BIRC3: variants seen among roughly 807,000 people sequenced by gnomAD.
BIRC3 encodes baculoviral IAP repeat containing 3, also known as baculoviral IAP repeat-containing protein 3.
BIRC3 carries 26 observed loss-of-function variants against 59.0 expected under a neutral mutation model. The ratio of observed to expected loss-of-function variants is 0.44; its 90% confidence interval spans 0.32 to 0.61. The LOEUF (loss-of-function observed/expected upper bound fraction) is 0.61, where lower values mean the gene tolerates loss of function less well. Among genes scored for constraint, BIRC3 ranks in the 20% least tolerant of loss-of-function variants. The pLI, the probability that BIRC3 is intolerant of heterozygous loss-of-function variation, is 0.04. For missense variants in BIRC3, 641 were observed against 711.5 expected (o/e 0.90, Z 1.13); for synonymous variants, 243 against 249.2 (o/e 0.98, Z 0.24).
At chr11:102,326,548 T>C (rs1206035037) in intron 3 of BIRC3, among the ~76,000 whole-genome samples, 1 of 152,228 alleles carries the variant, frequency 6.6e-6, no homozygotes, top group Non-Finnish European at 1.5e-5. Context: ...TGGCCTACAA[T>C]TACATTTTTT....
At chr11:102,328,566 A>T (rs1345713300) in intron 4 of BIRC3, among the ~76,000 whole-genome samples, 1 of 152,184 alleles carries the variant, frequency 6.6e-6, no homozygotes, top group Non-Finnish European at 1.5e-5. Flanking sequence ...ATCCCAAAGG[A>T]TGACCCAGGG....
chr11:102,326,981 T>A, intron 3 of BIRC3: 1 of 341,866 alleles, frequency 2.9e-6, no homozygotes, highest in Non-Finnish European at 5.8e-6. Context: ...TCAGTGTGTT[T>A]TAAGAATCTT....
rs5794162 is a variant in BIRC3 at position 102,322,777 on chromosome 11, TAAAAAA to T, written c.-1712_-1707del. On this transcript the variant is annotated 5_prime_UTR_variant, in exon 2 of 9. Coordinates refer to ENST00000263464, the MANE Select transcript of BIRC3 (RefSeq NM_001165.5). Reference sequence around the variant, plus strand: ...GGAAACCATGCTTGCAAACCACTGGTAAAAAAAAAAAAAAAAAAAAAAAAAAGCCAC... The same window carrying T: ...GGAAACCATGCTTGCAAACCACTGGTAAAAAAAAAAAAAAAAAAAAGCCAC... 1.2e-3 allele frequency: 79 copies of T among 66,978 alleles called. No homozygotes were observed. The highest frequency in any genetic ancestry group is 8.4e-3 in the East Asian group (31 of 3,684). The allele number at this position is 66,978 out of a possible 1,614,324, so 4.1% of individuals were successfully genotyped here.
At chr11:102,328,995 C>T (rs760576394) in intron 5 of BIRC3, 50 bp downstream of exon 5, 3 of 1,063,426 alleles carry the variant, frequency 2.8e-6, no homozygotes, top group South Asian at 3.3e-5. Flanking sequence ...TCATTTGGTA[C>T]TGTTAATATT....
Position 102,325,524 on chromosome 11 carries a change from T to C in BIRC3, c.912T>C (p.Ser304=). Residue 304 remains serine (S), a synonymous_variant, in exon 3 of 9, where the codon TCT becomes TCC. Coordinates refer to ENST00000263464, the MANE Select transcript of BIRC3 (RefSeq NM_001165.5). The part of the protein sequence containing the change: ...CCDGGLRCWE[S]GDDPWVQHAK... ...ATGGTGGACTCAGGTGTTGGGAATC[T>C]GGAGATGATCCATGGGTTCAACATG... is the stretch of plus-strand genomic sequence containing the variant. 8 of 1,613,150 alleles carry C rather than the reference T, an allele frequency of 5.0e-6. No individual in the cohort carries two copies. Among genetic ancestry groups the C allele is most frequent in the Non-Finnish European group, 6.8e-6 (8 of 1,179,400 alleles).
Position 102,322,123 on chromosome 11 carries a change from T to C in BIRC3, c.-2387T>C. The C allele has an allele frequency of 4.9e-6, 1 of 203,610 alleles. No homozygotes were observed. The highest frequency in any genetic ancestry group is 7.6e-5 in the East Asian group (1 of 13,180). The allele number at this position is 203,610 out of a possible 1,614,324, so 12.6% of individuals were successfully genotyped here. ...AGTGATTCTAGCTGGGGCATATTGTTAAAGCATTTTTTTCAGAGTTGGCCA... is the reference window on the plus strand; with the variant it reads ...AGTGATTCTAGCTGGGGCATATTGTCAAAGCATTTTTTTCAGAGTTGGCCA... On this transcript the variant is annotated 5_prime_UTR_variant, in exon 2 of 9. An upstream open reading frame in the 5' UTR loses its in-frame stop. Coordinates refer to ENST00000263464, the MANE Select transcript of BIRC3 (RefSeq NM_001165.5).
chr11:102,327,083 G>A (rs1401877690), intron 3 of BIRC3, among the ~76,000 whole-genome samples: 2 of 152,162 alleles, frequency 1.3e-5, no homozygotes, highest in Admixed American at 6.5e-5. Context: ...TTGTCCACTT[G>A]AGCCTTGGTA....
chr11:102,326,953 G>A, intron 3 of BIRC3: 2 of 349,160 alleles, frequency 5.7e-6, no homozygotes, highest in South Asian at 2.1e-5. Context: ...GGACTTTGAG[G>A]TGCTTGCCCG....
chr11:102,328,866 A>G, intron 4 of BIRC3, 31 bp from the exon 5 acceptor site: 1 of 753,042 alleles, frequency 1.3e-6, no homozygotes. Flanking sequence ...ATTTATATAT[A>G]TATATATATA....
At position 102,324,149 on chromosome 11, in the gene BIRC3, G is replaced by A. The variant is rs566629468; in HGVS notation, c.-361G>A. 1.7e-5 allele frequency: 4 copies of A among 235,504 alleles called. 1 individual carries two copies. The East Asian group carries it at 2.5e-4, about 15-fold the overall frequency. 14.6% of individuals were successfully genotyped at this position (235,504 alleles called of 1,614,324 possible). A position where few individuals can be genotyped will look rare whatever the true frequency, so the allele number is the denominator to read the frequency against. On this transcript the variant is annotated 5_prime_UTR_variant, in exon 2 of 9. Coordinates refer to ENST00000263464, the MANE Select transcript of BIRC3 (RefSeq NM_001165.5). ...TGAATGCCACTGAAACATTCTAGTA[G>A]CCTGGAGAAGTTGACCTACCTGTGG...
At chr11:102,334,798 G>A (rs541324388) in intron 6 of BIRC3, among the ~76,000 whole-genome samples, 1 of 152,214 alleles carries the variant, frequency 6.6e-6, no homozygotes, top group Admixed American at 6.5e-5. Flanking sequence ...ATGATATCTT[G>A]TAGGACGAGA....
At chr11:102,333,933 A>C (rs1951171111) in intron 6 of BIRC3, among the ~76,000 whole-genome samples, 1 of 152,140 alleles carries the variant, frequency 6.6e-6, no homozygotes, top group Non-Finnish European at 1.5e-5. Flanking sequence ...AGACCCCATC[A>C]CTACAAAAAA....
intron 6 of BIRC3, among the ~76,000 whole-genome samples, chr11:102,332,954 G>C (rs892017505): frequency 6.6e-6 from 1 of 152,084 alleles, no homozygotes; most frequent in South Asian, 2.1e-4. Context: ...CTCCACAACT[G>C]TTGAGAGACC....
At position 102,325,065 on chromosome 11, in the gene BIRC3, C is replaced by T. The variant is rs1469494339; in HGVS notation, c.556C>T (p.Pro186Ser). The change falls in exon 2 of 9, where the codon CCA becomes TCA. Residue 186 changes from proline (P) to serine (S), a missense_variant. Around this residue, in one of 4 missense-constraint regions of BIRC3, gnomAD observed 329 missense variants for 365.6 expected, o/e 0.90. Coordinates refer to ENST00000263464, the MANE Select transcript of BIRC3 (RefSeq NM_001165.5). ...GACATGGCCATTGACTTTTCTGTCG[C>T]CAACAGATCTGGCAAAAGCAGGCTT... ...FQTWPLTFLS[P>S]TDLAKAGFYY... The T allele has an allele frequency of 6.2e-7, 1 of 1,614,148 alleles. No homozygotes were observed. The highest frequency in any genetic ancestry group is 1.7e-5 in the Admixed American group (1 of 60,018).
intron 3 of BIRC3, among the ~76,000 whole-genome samples, chr11:102,325,930 C>T (rs1470427802): frequency 6.6e-6 from 1 of 151,856 alleles, no homozygotes; most frequent in East Asian, 1.9e-4. Flanking sequence ...TCCCTCCAGA[C>T]ATATAGAAAT....
chr11:102,328,884 T>A lies in BIRC3; in HGVS notation c.1033-13T>A, dbSNP rs1009984164. The A allele has an allele frequency of 9.5e-5, 107 of 1,120,526 alleles. No individual in the cohort carries two copies. The African/African-American group carries it at 1.3e-3, about 14-fold the overall frequency. 69.4% of individuals were successfully genotyped at this position (1,120,526 alleles called of 1,614,324 possible). A position where few individuals can be genotyped will look rare whatever the true frequency, so the allele number is the denominator to read the frequency against. ...TATATATATATATATATATATATTT[T>A]TTTTTTCTGCAGCTGCTATCCACAT... is the stretch of plus-strand genomic sequence containing the variant. On this transcript the variant is annotated splice_polypyrimidine_tract_variant and intron_variant, in intron 4 of 8. Coordinates refer to ENST00000263464, the MANE Select transcript of BIRC3 (RefSeq NM_001165.5).
In BIRC3 at chr11:102,328,880, A is replaced by ATTTTTT; in HGVS notation, c.1033-12_1033-7dup. ...AATTTATATATATATATATATATAT[A>ATTTTTT]TTTTTTTTTTCTGCAGCTGCTATCC... is the stretch of plus-strand genomic sequence containing the variant. On this transcript the variant is annotated splice_polypyrimidine_tract_variant and intron_variant, in intron 4 of 8. Coordinates refer to ENST00000263464, the MANE Select transcript of BIRC3 (RefSeq NM_001165.5). The ATTTTTT allele has an allele frequency of 7.0e-6, 3 of 426,304 alleles. No homozygotes were observed. The highest frequency in any genetic ancestry group is 8.6e-5 in the South Asian group (1 of 11,594). The allele number at this position is 426,304 out of a possible 1,614,324, so 26.4% of individuals were successfully genotyped here.
At position 102,336,793 on chromosome 11, in the gene BIRC3, A is replaced by G. The variant is rs760065153; in HGVS notation, c.1613A>G (p.Asp538Gly). The G allele has an allele frequency of 2.9e-5, 47 of 1,607,400 alleles. No individual in the cohort carries two copies. The highest frequency in any genetic ancestry group is 3.9e-5 in the Non-Finnish European group (46 of 1,177,434). ...QQDIKYIPTE[D>G]VSDLPVEEQL... is the part of the protein sequence containing the mutation. ...GACATAAAATATATTCCCACAGAAGATGTTTCAGGTAATAGTACTAATATT... is the reference window on the plus strand; with the variant it reads ...GACATAAAATATATTCCCACAGAAGGTGTTTCAGGTAATAGTACTAATATT... The change falls in exon 8 of 9, where the codon GAT becomes GGT. Residue 538 changes from aspartate to glycine, a missense_variant. Asp to Gly is a moderately conservative substitution (Grantham distance 94). Around this residue, in one of 4 missense-constraint regions of BIRC3, gnomAD observed 268 missense variants for 255.7 expected, o/e 1.05. Transcript: ENST00000263464.
chr11:102,325,515 T>C lies in BIRC3; in HGVS notation c.903T>C (p.Cys301=), dbSNP rs1258731739. Residue 301 remains cysteine, a synonymous_variant, in exon 3 of 9, where the codon TGT becomes TGC. Transcript: ENST00000263464. ...TTTGCTGTGATGGTGGACTCAGGTG[T>C]TGGGAATCTGGAGATGATCCATGGG... The part of the protein sequence containing the change: ...KCFCCDGGLR[C]WESGDDPWVQ... 5 of 1,613,166 alleles carry C rather than the reference T, an allele frequency of 3.1e-6. No individual in the cohort carries two copies. The highest frequency in any genetic ancestry group is 4.5e-5 in the East Asian group (2 of 44,872).
Sources: gnomAD v4.1 joint callset for allele counts (sites outside exome capture counted in the v4.1 genomes callset) on GRCh38, gnomAD v4.1.1 for gene constraint, gnomAD v4.1.1 regional missense constraint, MANE v1.5 for transcripts, NCBI Gene and HGNC (gene_info 2026-07-23, HGNC 2026-07-21) for gene names.